Variants in PREX2 observed in about 807,000 individuals in gnomAD.
PREX2 encodes phosphatidylinositol 3,4,5-trisphosphate-dependent Rac exchanger 2 protein.
A neutral mutation model predicts 203.2 loss-of-function variants in PREX2; 107 were observed. The observed-to-expected ratio is 0.53, with a 90% CI of 0.45 to 0.62. The LOEUF (loss-of-function observed/expected upper bound fraction) is 0.62, where lower values mean the gene tolerates loss of function less well. PREX2 is among the 20% of genes least tolerant of loss of function. The pLI is 0.00. For missense variants in PREX2, 1,777 were observed against 1,955.9 expected (o/e 0.91, Z 1.72); for synonymous variants, 672 against 663.6 (o/e 1.01, Z -0.19).
At position 68,085,171 on chromosome 8, in the gene PREX2, G is replaced by T. The variant is rs182550610; in HGVS notation, c.2027+1783G>T. 2.4e-4 allele frequency among the ~76,000 whole-genome samples: 36 copies of T among 152,294 alleles called. No homozygotes were observed. The East Asian group carries it at 5.2e-3, about 22-fold the overall frequency. ...CCTGTGCCATGGAACTGCAAAGAAT[G>T]TTGAATAAAACTAGGTTTGTAAAGA... On this transcript the variant is annotated intron_variant, in intron 18 of 39. Transcript: ENST00000288368.
intron 34 of PREX2, among the ~76,000 whole-genome samples, chr8:68,150,575 A>C (rs941738750): frequency 1.3e-5 from 2 of 152,158 alleles, no homozygotes; most frequent in Non-Finnish European, 2.9e-5. Context: ...CTGGGTGCCA[A>C]ACGTATTCCT....
intron 9 of PREX2, among the ~76,000 whole-genome samples, chr8:68,055,144 T>C (rs1245205783): frequency 2.0e-5 from 3 of 152,168 alleles, no homozygotes; most frequent in African/African-American, 7.2e-5. Context: ...AACACAACTT[T>C]CTTTCCTGCA....
At chr8:68,120,162 A>T (rs768525141) in intron 28 of PREX2, 34 bp from the exon 29 acceptor site, 1 of 1,372,948 alleles carries the variant, frequency 7.3e-7, no homozygotes, top group South Asian at 1.2e-5. Context: ...GTACTATGAG[A>T]AATATGTAAC....
chr8:68,112,683 A>G (rs931999267), intron 25 of PREX2, among the ~76,000 whole-genome samples: 1 of 152,156 alleles, frequency 6.6e-6, no homozygotes, highest in African/African-American at 2.4e-5. Flanking sequence ...GAGTTGAGTT[A>G]TGAAACACCG....
At chr8:68,106,284 T>G (rs1304590800) in intron 23 of PREX2, 1 of 505,648 alleles carries the variant, frequency 2.0e-6, no homozygotes, top group Non-Finnish European at 3.9e-6. Flanking sequence ...GGAAAGAACT[T>G]TTGACTGAAA....
intron 1 of PREX2, among the ~76,000 whole-genome samples, chr8:67,987,721 C>T (rs747706603): frequency 2.6e-5 from 4 of 152,166 alleles, no homozygotes; most frequent in Non-Finnish European, 5.9e-5. Context: ...CTGCTGAAGC[C>T]GTTCTCGGTC....
rs1429693114 is a variant in PREX2 at position 68,044,506 on chromosome 8, G to T, written c.859G>T (p.Ala287Ser). ...CTTAAGACGGTTGAAGAACAGCAAG[G>T]CATCTACAGATGGACATCGGTACCT... ...RKHRRLKNSKASTDGHRYLFR... is the reference protein window; with the variant it reads ...RKHRRLKNSKSSTDGHRYLFR... The change falls in exon 8 of 40, where the codon GCA becomes TCA. Residue 287 changes from alanine to serine, a missense_variant. Transcript: ENST00000288368. 1.2e-6 allele frequency: 2 copies of T among 1,611,640 alleles called. No individual in the cohort carries two copies. The highest frequency in any genetic ancestry group is 1.7e-5 in the Admixed American group (1 of 59,912).
At chr8:67,970,766 G>A (rs112270630) in intron 1 of PREX2, among the ~76,000 whole-genome samples, 85 of 152,334 alleles carry the variant, frequency 5.6e-4, no homozygotes, top group African/African-American at 1.9e-3. Context: ...CCAAGTGCAT[G>A]TCAGGAGGCT....
chr8:68,199,339 T>C (rs1812459084), intron 37 of PREX2, among the ~76,000 whole-genome samples: 1 of 152,202 alleles, frequency 6.6e-6, no homozygotes, highest in Non-Finnish European at 1.5e-5. Context: ...AGCTTTAACA[T>C]ATGTAAAGTT....
chr8:68,134,032 C>G (rs377098442), intron 31 of PREX2, 27 bp from the exon 32 acceptor site: 1 of 1,581,220 alleles, frequency 6.3e-7, no homozygotes, highest in Admixed American at 1.7e-5. Flanking sequence ...TTTTTCGAAG[C>G]ATTCTCTATG....
At chr8:68,081,444 C>T (rs1029250038) in intron 17 of PREX2, among the ~76,000 whole-genome samples, 1 of 152,200 alleles carries the variant, frequency 6.6e-6, no homozygotes, top group South Asian at 2.1e-4. Flanking sequence ...ACTTCTTGAC[C>T]TTCTGGGAGG....
chr8:68,095,547 G>A (rs1211729798), intron 21 of PREX2, among the ~76,000 whole-genome samples: 1 of 145,874 alleles, frequency 6.9e-6, no homozygotes, highest in African/African-American at 2.6e-5. Context: ...ATGTGTGTGT[G>A]TGTGTGTGTG....
In PREX2 at chr8:68,134,249, C is replaced by G. The variant is rs756271665; in HGVS notation, c.3957C>G (p.His1319Gln). The G allele has an allele frequency of 1.2e-6, 2 of 1,613,914 alleles. No individual in the cohort carries two copies. The highest frequency in any genetic ancestry group is 1.3e-5 in the African/African-American group (1 of 74,922). ...TAGCGAATGCAGGTGTTCTTTTTCA[C>G]TTTCAGTCACTTCTGTCACCAAACT... is the stretch of plus-strand genomic sequence containing the variant. ...DQIANAGVLF[H>Q]FQSLLSPNLT... The change falls in exon 32 of 40, where the codon CAC becomes CAG. Residue 1319 changes from histidine to glutamine, a missense_variant. By Grantham distance (24) the His-to-Gln change is conservative. Transcript: ENST00000288368.
chr8:68,078,895 G>T (rs539149282), intron 15 of PREX2, among the ~76,000 whole-genome samples: 1 of 152,302 alleles, frequency 6.6e-6, no homozygotes, highest in Admixed American at 6.5e-5. Context: ...AGCATGAACA[G>T]TGTAGCTCAT....
chr8:68,134,230 A>G lies in PREX2; in HGVS notation c.3938A>G (p.Asn1313Ser). Residue 1313 changes from asparagine (N) to serine (S), a missense_variant, in exon 32 of 40, where the codon AAT (asparagine) becomes AGT (serine). Transcript: ENST00000288368. ...AGGAGGTGGCTGGACCAGATAGCGA[A>G]TGCAGGTGTTCTTTTTCACTTTCAG... Reference protein sequence around the residue: ...ASRRWLDQIANAGVLFHFQSL... With the variant: ...ASRRWLDQIASAGVLFHFQSL... The G allele has an allele frequency of 2.5e-6, 4 of 1,614,122 alleles. No individual in the cohort carries two copies. The highest frequency in any genetic ancestry group is 2.5e-6 in the Non-Finnish European group (3 of 1,179,992).
At chr8:68,101,622 A>G (rs774110856) in intron 23 of PREX2, among the ~76,000 whole-genome samples, 1 of 151,800 alleles carries the variant, frequency 6.6e-6, no homozygotes, top group Non-Finnish European at 1.5e-5. Flanking sequence ...GTCTAAACAA[A>G]TGCAAACGAA....
chr8:68,052,260 G>A (rs879567279), intron 8 of PREX2, among the ~76,000 whole-genome samples: 2 of 152,096 alleles, frequency 1.3e-5, no homozygotes, highest in African/African-American at 2.4e-5. Context: ...GGCCTCTGTC[G>A]TAGGTTTTTC....
chr8:68,056,995 T>C (rs1808697425), intron 10 of PREX2, among the ~76,000 whole-genome samples: 1 of 152,166 alleles, frequency 6.6e-6, no homozygotes, highest in African/African-American at 2.4e-5. Context: ...ATAGGCTACC[T>C]CTGCCTCCCT....
chr8:67,959,864 A>T (rs1165503735), intron 1 of PREX2, among the ~76,000 whole-genome samples: 2 of 152,076 alleles, frequency 1.3e-5, no homozygotes. Flanking sequence ...AAATCCTCGC[A>T]CTGAAACTTA....
Sources: allele counts gnomAD v4.1 joint callset (sites outside exome capture counted in the v4.1 genomes callset), GRCh38; gene constraint gnomAD v4.1.1; transcripts MANE v1.5; gene names NCBI Gene and HGNC (gene_info 2026-07-23, HGNC 2026-07-21).